DPYD: variants seen among roughly 807,000 people sequenced by gnomAD.
The protein encoded by DPYD is dihydropyrimidine dehydrogenase.
A neutral mutation model predicts 116.2 loss-of-function variants in DPYD; 109 were observed. The ratio of observed to expected loss-of-function variants is 0.94; its 90% CI spans 0.80 to 1.10. The LOEUF (loss-of-function observed/expected upper bound fraction) is 1.10, where lower values mean the gene tolerates loss of function less well. Among genes scored for constraint, DPYD ranks in the 50% least tolerant of loss-of-function variants. The probability of loss-of-function intolerance (pLI) is 0.00; values close to 1 mark genes in which losing one functional copy is unlikely to be tolerated. For missense variants in DPYD, 1,302 were observed against 1,254.5 expected (o/e 1.04, Z -0.57); for synonymous variants, 440 against 432.0 (o/e 1.02, Z -0.23).
rs746991079 is a variant in DPYD at position 97,193,111 on chromosome 1, CT to C, written c.2579del (p.Gln860ArgfsTer9). On this transcript the variant is annotated frameshift_variant, in exon 20 of 23. Transcript: ENST00000370192. LOFTEE classifies it high-confidence loss of function. The part of the protein sequence containing the change: ...DGQSPATVSH[Q>X]KGKPVPRIAE... Reference sequence around the variant, plus strand: ...CTATACGTGGAACTGGTTTCCCTTTCTGGTGACTCACAGTAGCTGGACTCTG... The same window carrying C: ...CTATACGTGGAACTGGTTTCCCTTTCGGTGACTCACAGTAGCTGGACTCTG... The C allele has an allele frequency of 5.0e-5, 81 of 1,613,966 alleles. No homozygotes were observed. Among genetic ancestry groups the C allele is most frequent in the Non-Finnish European group, 6.3e-5 (74 of 1,179,974 alleles).
intron 5 of DPYD, among the ~76,000 whole-genome samples, chr1:97,701,480 A>G (rs1202128690): frequency 6.6e-6 from 1 of 151,754 alleles, no homozygotes; most frequent in Admixed American, 6.6e-5. Flanking sequence ...ATGCTATCCA[A>G]TGGATTGGCT....
chr1:97,461,834 G>T (rs1449245687), intron 13 of DPYD, among the ~76,000 whole-genome samples: 1 of 152,118 alleles, frequency 6.6e-6, no homozygotes, highest in Non-Finnish European at 1.5e-5. Context: ...ACATTCAACT[G>T]AATACAAAAA....
At chr1:97,118,117 ATCTTT>A (rs769049456) in intron 20 of DPYD, among the ~76,000 whole-genome samples, 1 of 151,676 alleles carries the variant, frequency 6.6e-6, no homozygotes, top group Non-Finnish European at 1.5e-5. Context: ...ATATCTATTG[ATCTTT>A]TCTTTTCAAA....
In DPYD at chr1:97,573,827, A is replaced by T. The variant is rs532341730; in HGVS notation, c.1272T>A (p.Asp424Glu). 1 of 1,613,638 alleles carries T rather than the reference A, an allele frequency of 6.2e-7. No homozygotes were observed. The highest frequency in any genetic ancestry group is 1.3e-5 in the African/African-American group (1 of 74,990). Residue 424 changes from aspartate to glutamate, a missense_variant, in exon 11 of 23, where the codon GAT becomes GAA. By Grantham distance (45) the Asp-to-Glu change is conservative (BLOSUM62 2). Transcript: ENST00000370192. The part of the protein sequence containing the change: ...DETGKWNEDE[D>E]QMVHLKADVV... ...CATCGGCTTTCAGATGGACCATCTG[A>T]TCTTCATCTTCATTCCATTTTCCAG...
chr1:97,422,745 A>G (rs999192525), intron 14 of DPYD, among the ~76,000 whole-genome samples: 1 of 152,154 alleles, frequency 6.6e-6, no homozygotes, highest in African/African-American at 2.4e-5. Flanking sequence ...ACACTTGCAT[A>G]CTTCAAGCTT....
chr1:97,765,224 T>A (rs1017843469), intron 3 of DPYD, among the ~76,000 whole-genome samples: 1 of 152,132 alleles, frequency 6.6e-6, no homozygotes, highest in Non-Finnish European at 1.5e-5. Flanking sequence ...ATTGTGGGAG[T>A]TGTTTATAGA....
At chr1:97,460,158 G>C (rs558512748) in intron 13 of DPYD, among the ~76,000 whole-genome samples, 61 of 152,250 alleles carry the variant, frequency 4.0e-4, no homozygotes, top group Non-Finnish European at 7.2e-4. Context: ...CAGAAAAAAA[G>C]CAGGTGCAAA....
intron 8 of DPYD, among the ~76,000 whole-genome samples, chr1:97,631,961 C>T (rs956692127): frequency 6.6e-6 from 1 of 152,020 alleles, no homozygotes; most frequent in Non-Finnish European, 1.5e-5. Flanking sequence ...AGCCACAGGA[C>T]TTCTAAAATT....
chr1:97,694,925 G>T (rs998510408), intron 6 of DPYD, among the ~76,000 whole-genome samples: 7 of 152,114 alleles, frequency 4.6e-5, no homozygotes, highest in African/African-American at 1.4e-4. Flanking sequence ...ATATATGTAA[G>T]CTTTCAATGA....
chr1:97,119,781 C>T (rs1199362385), intron 20 of DPYD, among the ~76,000 whole-genome samples: 1 of 152,100 alleles, frequency 6.6e-6, no homozygotes, highest in Admixed American at 6.6e-5. Context: ...TCCATTATTC[C>T]ACCAGCAAGC....
At chr1:97,280,773 C>A (rs1665271159) in intron 18 of DPYD, among the ~76,000 whole-genome samples, 1 of 151,960 alleles carries the variant, frequency 6.6e-6, no homozygotes, top group African/African-American at 2.4e-5. Context: ...ATAGGTTAGT[C>A]AATGAATACA....
At chr1:97,100,321 C>T (rs1354956455) in intron 20 of DPYD, among the ~76,000 whole-genome samples, 1 of 151,988 alleles carries the variant, frequency 6.6e-6, no homozygotes, top group Non-Finnish European at 1.5e-5. Flanking sequence ...AAAAAAATGC[C>T]TTTGGGGTCA....
chr1:97,094,429 G>A (rs1198375999), intron 21 of DPYD, among the ~76,000 whole-genome samples: 1 of 152,118 alleles, frequency 6.6e-6, no homozygotes, highest in African/African-American at 2.4e-5. Flanking sequence ...TGAGGCCTCA[G>A]CATTATGTAA....
intron 20 of DPYD, among the ~76,000 whole-genome samples, chr1:97,124,091 G>A (rs77409052): frequency 0.015 from 2,242 of 152,102 alleles, 46 homozygotes; most frequent in African/African-American, 0.051. Context: ...CAATTTTTGC[G>A]TGAAAGTCAC....
intron 18 of DPYD, among the ~76,000 whole-genome samples, chr1:97,264,927 C>T (rs1198734970): frequency 2.0e-5 from 3 of 152,116 alleles, no homozygotes; most frequent in Non-Finnish European, 2.9e-5. Flanking sequence ...TATTCCTCAG[C>T]ATGTGTCAAA....
intron 8 of DPYD, among the ~76,000 whole-genome samples, chr1:97,668,508 T>G (rs890242968): frequency 2.0e-5 from 3 of 152,148 alleles, no homozygotes; most frequent in African/African-American, 7.2e-5. Flanking sequence ...ATGCATTAAT[T>G]ACTTTTCTAA....
At chr1:97,863,066 G>A (rs957746520) in intron 2 of DPYD, among the ~76,000 whole-genome samples, 2 of 151,776 alleles carry the variant, frequency 1.3e-5, no homozygotes, top group Non-Finnish European at 2.9e-5. Context: ...TACTCAAGAA[G>A]TTATGACTGT....
intron 20 of DPYD, among the ~76,000 whole-genome samples, chr1:97,159,737 AATGGG>A (rs1655750255): frequency 6.6e-6 from 1 of 152,106 alleles, no homozygotes; most frequent in Admixed American, 6.6e-5. Flanking sequence ...GATATGAAAA[AATGGG>A]AAAATAACAA....
chr1:97,611,347 G>A (rs1655930717), intron 8 of DPYD, among the ~76,000 whole-genome samples: 1 of 152,010 alleles, frequency 6.6e-6, no homozygotes, highest in Admixed American at 6.6e-5. Flanking sequence ...CACAACACAT[G>A]GGAATTATGG....
Sources: gnomAD v4.1 joint callset for allele counts (sites outside exome capture counted in the v4.1 genomes callset) on GRCh38, gnomAD v4.1.1 for gene constraint, MANE v1.5 for transcripts, NCBI Gene and HGNC (gene_info 2026-07-23, HGNC 2026-07-21) for gene names.